PCDH7: variants seen among roughly 807,000 people sequenced by gnomAD.
The protein encoded by PCDH7 is protocadherin 7.
A neutral mutation model predicts 58.9 loss-of-function variants in PCDH7; 17 were observed. That is an observed-to-expected ratio of 0.29 (90% confidence interval 0.20 to 0.43). PCDH7 has a LOEUF of 0.43. PCDH7 is among the 20% of genes least tolerant of loss of function. PCDH7 has a pLI of 1.00. For missense variants in PCDH7, 1,274 were observed against 1,441.0 expected (o/e 0.88, Z 1.88); for synonymous variants, 664 against 616.4 (o/e 1.08, Z -1.14).
At chr4:31,021,651 G>A (rs1190983094) in intron 3 of PCDH7, among the ~76,000 whole-genome samples, 5 of 152,054 alleles carry the variant, frequency 3.3e-5, no homozygotes. Context: ...AGTCTTTTCT[G>A]TTCCTCAAGG....
rs543938880 is a variant in PCDH7, at chr4:30,850,717, G to A, written c.71-69436G>A. On this transcript the variant is annotated intron_variant, in intron 1 of 3. Coordinates refer to the PCDH7 transcript ENST00000509759. ...GTGTCAGGGCCCTATTCCACGGCTG[G>A]ACACTCACTACCAGACACCAGTCTA... Among the ~76,000 whole-genome samples the A allele has an allele frequency of 1.1e-4, 17 of 152,122 alleles. No homozygotes were observed. The East Asian group carries it at 3.1e-3, about 28-fold the overall frequency.
intron 1 of PCDH7, among the ~76,000 whole-genome samples, chr4:30,789,141 C>A (rs142205161): frequency 2.6e-5 from 4 of 152,066 alleles, no homozygotes; most frequent in African/African-American, 9.7e-5. Context: ...TAGGTCCCCC[C>A]CTAAGTTAAT....
At chr4:30,843,510 A>G (rs1047564965) in intron 1 of PCDH7, among the ~76,000 whole-genome samples, 2 of 152,196 alleles carry the variant, frequency 1.3e-5, no homozygotes, top group African/African-American at 4.8e-5. Flanking sequence ...ATAGAACTTT[A>G]AAGAAAATAG....
intron 1 of PCDH7, among the ~76,000 whole-genome samples, chr4:30,902,186 T>C (rs1298207918): frequency 6.6e-6 from 1 of 152,202 alleles, no homozygotes; most frequent in African/African-American, 2.4e-5. Context: ...TTCGTTATGT[T>C]CTGGGAAATG....
chr4:30,882,070 C>T (rs1273154024), intron 1 of PCDH7, among the ~76,000 whole-genome samples: 1 of 150,580 alleles, frequency 6.6e-6, no homozygotes. Context: ...CTTCCTACCT[C>T]TCATCCTCCT....
chr4:30,894,512 TATATAC>T (rs1436996976), intron 1 of PCDH7, among the ~76,000 whole-genome samples: 235 of 50,326 alleles, frequency 4.7e-3, no homozygotes, highest in African/African-American at 0.025. Flanking sequence ...TATATATATA[TATATAC>T]ACACACACAC....
At chr4:30,894,969 A>G (rs1012872377) in intron 1 of PCDH7, among the ~76,000 whole-genome samples, 1 of 151,886 alleles carries the variant, frequency 6.6e-6, no homozygotes, top group Non-Finnish European at 1.5e-5. Context: ...TAAATCAATT[A>G]TACTTATTAT....
Position 30,986,979 on chromosome 4 carries a change from C to CAA in PCDH7, c.*7+36772_*7+36773dup, listed in dbSNP as rs58422152. ...CTGACGACAGAGCGAGATTCCGTCT[C>CAA]AAAAAAAAATAAGAAAGATAGTATC... On this transcript the variant is annotated intron_variant, in intron 3 of 3. Transcript: ENST00000509759. Among the ~76,000 whole-genome samples the CAA allele has an allele frequency of 1.0e-4, 15 of 149,032 alleles. No individual in the cohort carries two copies. In the South Asian group the frequency reaches 1.5e-3, roughly 15 times the overall value.
At chr4:30,998,861 T>C (rs1435902491) in intron 3 of PCDH7, among the ~76,000 whole-genome samples, 1 of 152,140 alleles carries the variant, frequency 6.6e-6, no homozygotes, top group African/African-American at 2.4e-5. Context: ...AAAAGGGTCC[T>C]TTTGAAAATA....
intron 3 of PCDH7, among the ~76,000 whole-genome samples, chr4:31,080,789 C>A (rs2109268314): frequency 6.6e-6 from 1 of 152,266 alleles, no homozygotes; most frequent in South Asian, 2.1e-4. Flanking sequence ...CAAATCTCAT[C>A]TTGAATTGTA....
chr4:30,751,604 T>C (rs1237856089), intron 1 of PCDH7, among the ~76,000 whole-genome samples: 3 of 152,178 alleles, frequency 2.0e-5, no homozygotes, highest in Non-Finnish European at 2.9e-5. Flanking sequence ...AATTTGACAG[T>C]ATTAAAATAT....
intron 3 of PCDH7, among the ~76,000 whole-genome samples, chr4:30,967,131 GT>G (rs1322739695): frequency 1.3e-5 from 2 of 151,936 alleles, no homozygotes; most frequent in African/African-American, 4.8e-5. Flanking sequence ...TTAAAAAGTT[GT>G]TTTAAATCCA....
At chr4:30,878,764 C>A (rs1399340946) in intron 1 of PCDH7, among the ~76,000 whole-genome samples, 5 of 152,006 alleles carry the variant, frequency 3.3e-5, no homozygotes, top group Admixed American at 3.3e-4. Flanking sequence ...GCAGGAAAAT[C>A]GCTTGAACCT....
chr4:30,880,337 G>A (rs1225949567), intron 1 of PCDH7, among the ~76,000 whole-genome samples: 1 of 149,962 alleles, frequency 6.7e-6, no homozygotes, highest in African/African-American at 2.4e-5. Context: ...ATATTACAAA[G>A]GACTCCTTAT....
chr4:30,860,821 A>G (rs1414621322), intron 1 of PCDH7, among the ~76,000 whole-genome samples: 1 of 152,118 alleles, frequency 6.6e-6, no homozygotes, highest in Non-Finnish European at 1.5e-5. Flanking sequence ...CAGTTTTGGT[A>G]ATTGGGTTTA....
chr4:30,855,890 G>T (rs1488431215), intron 1 of PCDH7, among the ~76,000 whole-genome samples: 1 of 152,106 alleles, frequency 6.6e-6, no homozygotes, highest in Non-Finnish European at 1.5e-5. Context: ...TAATCTGCCG[G>T]ATGGCCATTG....
intron 3 of PCDH7, among the ~76,000 whole-genome samples, chr4:31,021,848 A>G (rs1323837948): frequency 6.6e-6 from 1 of 152,178 alleles, no homozygotes; most frequent in Non-Finnish European, 1.5e-5. Context: ...TTGCTATGAC[A>G]GAAGAAAATT....
intron 1 of PCDH7, among the ~76,000 whole-genome samples, chr4:30,910,557 A>T (rs183762247): frequency 1.3e-5 from 2 of 152,326 alleles, no homozygotes; most frequent in East Asian, 1.9e-4. Flanking sequence ...ATATGAAAAA[A>T]AGCCCATCAT....
chr4:30,752,794 AAAAAAAAAG>A (rs1184676051), intron 1 of PCDH7, among the ~76,000 whole-genome samples: 1 of 150,452 alleles, frequency 6.6e-6, no homozygotes, highest in East Asian at 1.9e-4. Flanking sequence ...AAAAAAAAAA[AAAAAAAAAG>A]AAAGAAAAAG....
Sources: allele counts gnomAD v4.1 joint callset (sites outside exome capture counted in the v4.1 genomes callset), GRCh38; gene constraint gnomAD v4.1.1; transcripts MANE v1.5; gene names NCBI Gene and HGNC (gene_info 2026-07-23, HGNC 2026-07-21).